The following CYP2J2 variants were observed in gnomAD, a reference collection of about 807,000 sequenced individuals.
CYP2J2 encodes the protein cytochrome P450 2J2.
CYP2J2 carries 41 observed loss-of-function variants against 48.8 expected under a neutral mutation model. That is an observed-to-expected ratio of 0.84 (90% CI 0.66 to 1.09). CYP2J2 has a LOEUF of 1.09. CYP2J2 is among the 50% of genes least tolerant of loss of function. CYP2J2 has a pLI of 0.00. For synonymous variants in CYP2J2, 221 were observed against 227.1 expected, an observed-to-expected ratio of 0.97 and a Z score of 0.24; for missense variants, 644 against 617.3, an observed-to-expected ratio of 1.04 and a Z score of -0.46.
Position 59,912,243 on chromosome 1 carries a change from A to C in CYP2J2, c.442T>G (p.Phe148Val), listed in dbSNP as rs1644424061. The C allele has an allele frequency of 6.2e-7, 1 of 1,613,738 alleles. No homozygotes were observed. Among genetic ancestry groups the C allele is most frequent in the East Asian group, 2.2e-5 (1 of 44,886 alleles). ...RRFTLTALRN[F>V]GLGKKSLEER... is the part of the protein sequence containing the mutation. Reference sequence around the variant, plus strand: ...TCTAAGCTCTTCTTTCCTAAACCAAAGTTCCTTAGTGCTGTCAGAGTGAAC... The same window carrying C: ...TCTAAGCTCTTCTTTCCTAAACCAACGTTCCTTAGTGCTGTCAGAGTGAAC... Residue 148 changes from phenylalanine to valine, a missense_variant, in exon 3 of 9, where the codon TTT (phenylalanine) becomes GTT (valine). Physicochemically the swap from Phe to Val is conservative, Grantham distance 50. Coordinates refer to ENST00000371204, the MANE Select transcript of CYP2J2 (RefSeq NM_000775.4).
At position 59,910,960 on chromosome 1, in the gene CYP2J2, T is replaced by G. The variant is rs960798436; in HGVS notation, c.684+648A>C. On this transcript the variant is annotated intron_variant, in intron 4 of 8. Transcript: ENST00000371204. ...GAAGATTGATGATATTAAGTGCTGG[T>G]GGGCAGGCAAATAATGCAATGAGCT... Among the ~76,000 whole-genome samples, 5 of 152,286 alleles carry G rather than the reference T, an allele frequency of 3.3e-5. No individual in the cohort carries two copies. The East Asian group carries it at 9.6e-4, about 29-fold the overall frequency.
At chr1:59,932,470 G>C in the CYP2J2 span, among the ~76,000 whole-genome samples, 1 of 152,190 alleles carries the variant, frequency 6.6e-6, no homozygotes, top group African/African-American at 2.4e-5. Flanking sequence ...TTGTCAACAT[G>C]CTTTTATAAA....
chr1:59,922,403 T>C lies in CYP2J2; in HGVS notation c.210+4134A>G, dbSNP rs373762118. Among the ~76,000 whole-genome samples, 469 of 152,330 alleles carry C rather than the reference T, an allele frequency of 3.1e-3. 6 individuals are homozygous for C. Among genetic ancestry groups the C allele is most frequent in the African/African-American group, 0.011 (443 of 41,572 alleles). On this transcript the variant is annotated intron_variant, in intron 1 of 8. Transcript: ENST00000371204. ...GATCTATTAGTTAGTACTTAATGTT[T>C]CCCAATTGCAAGAATGTAAATTTAA...
the CYP2J2 span, among the ~76,000 whole-genome samples, chr1:59,933,230 A>G: frequency 1.3e-5 from 2 of 152,218 alleles, no homozygotes; most frequent in African/African-American, 4.8e-5. Context: ...TAAAAGAAAT[A>G]CAATTGATAT....
chr1:59,953,175 G>T, the CYP2J2 span, among the ~76,000 whole-genome samples: 1 of 152,124 alleles, frequency 6.6e-6, no homozygotes. Flanking sequence ...TGCCCTTTGT[G>T]TCAGAGCCCA....
chr1:59,953,506 A>ATGTATG, the CYP2J2 span, among the ~76,000 whole-genome samples: 1 of 150,338 alleles, frequency 6.7e-6, no homozygotes, highest in African/African-American at 2.4e-5. Context: ...CAGTGTGTAT[A>ATGTATG]TGTGTGTGTG....
chr1:59,896,318 TAC>T (rs1644268619), intron 8 of CYP2J2, among the ~76,000 whole-genome samples: 1 of 143,558 alleles, frequency 7.0e-6, no homozygotes, highest in African/African-American at 2.7e-5. Context: ...TATATATATA[TAC>T]ACACCAAGTA....
the CYP2J2 span, among the ~76,000 whole-genome samples, chr1:59,966,113 T>C: frequency 6.6e-6 from 1 of 152,214 alleles, no homozygotes; most frequent in Non-Finnish European, 1.5e-5. Context: ...TTCACATTTA[T>C]CATAGATCCC....
chr1:59,915,347 G>A (rs1644455404), intron 2 of CYP2J2, among the ~76,000 whole-genome samples: 1 of 152,138 alleles, frequency 6.6e-6, no homozygotes, highest in South Asian at 2.1e-4. Flanking sequence ...CCATAGGTGT[G>A]GAAGGGCTGG....
the CYP2J2 span, among the ~76,000 whole-genome samples, chr1:59,939,746 C>G: frequency 8.7e-4 from 132 of 152,332 alleles, no homozygotes; most frequent in African/African-American, 3.1e-3. Context: ...AGAAGTCTAC[C>G]TGACGTTCTA....
intron 1 of CYP2J2, among the ~76,000 whole-genome samples, chr1:59,925,424 G>A (rs1260839615): frequency 6.6e-6 from 1 of 152,004 alleles, no homozygotes; most frequent in Non-Finnish European, 1.5e-5. Context: ...ACTATATCTT[G>A]TGTCATTTAA....
At chr1:59,966,199 AT>A in the CYP2J2 span, among the ~76,000 whole-genome samples, 1 of 152,222 alleles carries the variant, frequency 6.6e-6, no homozygotes, top group Non-Finnish European at 1.5e-5. Context: ...ATTCTGTCTT[AT>A]GGTAACATAA....
In CYP2J2 at chr1:59,901,061, G is replaced by C. The variant is rs112241706; in HGVS notation, c.1234C>G (p.Pro412Ala). 6.2e-6 allele frequency: 10 copies of C among 1,614,094 alleles called. No homozygotes were observed. In the African/African-American group the frequency reaches 1.2e-4, roughly 19 times the overall value. ...GTGTCAGGGGTGGCCCACTCTGTGG[G>C]GTCCCTGTGCAGCGCCGTCAAATTG... ...LTNLTALHRD[P>A]TEWATPDTFN... The change falls in exon 8 of 9, where the codon CCC (proline) becomes GCC (alanine). Residue 412 changes from proline to alanine, a missense_variant. Coordinates refer to ENST00000371204, the MANE Select transcript of CYP2J2 (RefSeq NM_000775.4).
chr1:59,926,938 A>C (rs956162441), upstream of CYP2J2: 3 of 608,354 alleles, frequency 4.9e-6, no homozygotes, highest in African/African-American at 1.9e-5. Context: ...GGCTAGGAGC[A>C]GTTTCTTTTC....
At chr1:59,936,121 G>A in the CYP2J2 span, among the ~76,000 whole-genome samples, 6 of 152,122 alleles carry the variant, frequency 3.9e-5, no homozygotes, top group African/African-American at 1.2e-4. Context: ...ACTTACCTAT[G>A]TGCTGAATGT....
chr1:59,929,349 C>CA (rs1256449739), upstream of CYP2J2, among the ~76,000 whole-genome samples: 1 of 152,018 alleles, frequency 6.6e-6, no homozygotes, highest in Non-Finnish European at 1.5e-5. Context: ...CAGTTTTCAC[C>CA]AAAAAATGAT....
At chr1:59,937,373 G>A in the CYP2J2 span, among the ~76,000 whole-genome samples, 28 of 151,904 alleles carry the variant, frequency 1.8e-4, no homozygotes, top group African/African-American at 6.5e-4. Flanking sequence ...GGCAAATGTA[G>A]TTTCTAGCTA....
In CYP2J2 at chr1:59,911,780, G is replaced by C. The variant is rs1644418283; in HGVS notation, c.524-12C>G. 6.2e-7 allele frequency: 1 copy of C among 1,610,162 alleles called. No individual in the cohort carries two copies. The highest frequency in any genetic ancestry group is 8.5e-7 in the Non-Finnish European group (1 of 1,178,138). On this transcript the variant is annotated splice_polypyrimidine_tract_variant and intron_variant, in intron 3 of 8. Transcript: ENST00000371204. ...GTCAAAAGGCTGTCCTGAAGGTGGA[G>C]GAAGGGCAAGATGGATCCTTCTGAT... is the stretch of plus-strand genomic sequence containing the variant.
chr1:59,959,957 G>A, the CYP2J2 span, among the ~76,000 whole-genome samples: 19 of 152,186 alleles, frequency 1.2e-4, no homozygotes, highest in East Asian at 1.9e-4. Flanking sequence ...TACACTGCTC[G>A]GGTGATGGGT....
Sources: allele counts gnomAD v4.1 joint callset (sites outside exome capture counted in the v4.1 genomes callset), GRCh38; gene constraint gnomAD v4.1.1; transcripts MANE v1.5; gene names NCBI Gene and HGNC (gene_info 2026-07-23, HGNC 2026-07-21).